Variants in TIAM2 observed in about 807,000 individuals in gnomAD.
The protein encoded by TIAM2 is TIAM Rac1 associated GEF 2, also known as rho guanine nucleotide exchange factor TIAM2.
TIAM2 carries 80 observed loss-of-function variants against 152.9 expected under a neutral mutation model. That is an observed-to-expected ratio of 0.52 (90% confidence interval 0.44 to 0.63). The LOEUF (loss-of-function observed/expected upper bound fraction) is 0.63, where lower values mean the gene tolerates loss of function less well. TIAM2 is among the 30% of genes least tolerant of loss of function. TIAM2 has a pLI of 0.00. For missense variants in TIAM2, 1,965 were observed against 2,120.1 expected (o/e 0.93, Z 1.44); for synonymous variants, 804 against 838.0 (o/e 0.96, Z 0.70).
intron 5 of TIAM2, among the ~76,000 whole-genome samples, chr6:155,139,940 A>AAAAC (rs148740038): frequency 7.9e-4 from 121 of 152,224 alleles, no homozygotes; most frequent in African/African-American, 2.0e-3. Context: ...CTCCATCTCA[A>AAAAC]AAACAAACAA....
chr6:155,047,696 A>AGAG (rs1562300146), intron 1 of TIAM2, among the ~76,000 whole-genome samples: 152 of 13,772 alleles, frequency 0.011, 13 homozygotes, highest in African/African-American at 0.05. Context: ...GAGGAGAGAG[A>AGAG]GAGAGAGAGC....
intron 2 of TIAM2, among the ~76,000 whole-genome samples, chr6:155,112,920 G>T (rs73004918): frequency 6.6e-6 from 1 of 150,586 alleles, no homozygotes; most frequent in African/African-American, 2.4e-5. Context: ...CCAAGCTGGG[G>T]CGCATTGCCT....
chr6:155,183,093 C>T (rs1432043268), intron 13 of TIAM2, 144 bp from the exon 14 acceptor site: 58 of 1,049,088 alleles, frequency 5.5e-5, no homozygotes, highest in Non-Finnish European at 3.0e-5. Context: ...GCCACTGTGC[C>T]TGGCTGGCAC....
intron 2 of TIAM2, among the ~76,000 whole-genome samples, chr6:155,094,516 C>T (rs1338864006): frequency 2.0e-5 from 3 of 147,610 alleles, no homozygotes; most frequent in African/African-American, 7.5e-5. Flanking sequence ...CTTTAGACTG[C>T]ATGACTCAGT....
intron 15 of TIAM2, among the ~76,000 whole-genome samples, chr6:155,229,140 A>T (rs886350399): frequency 6.6e-6 from 1 of 151,892 alleles, no homozygotes; most frequent in African/African-American, 2.4e-5. Flanking sequence ...TACTCTTCCC[A>T]TAGCCCTCGC....
At chr6:155,239,185 T>C (rs527722706) in intron 15 of TIAM2, among the ~76,000 whole-genome samples, 2 of 152,284 alleles carry the variant, frequency 1.3e-5, no homozygotes, top group South Asian at 4.1e-4. Context: ...AAGACAGAGA[T>C]GGATAGAGGT....
At chr6:155,166,070 T>C (rs995340411) in intron 9 of TIAM2, among the ~76,000 whole-genome samples, 1 of 152,212 alleles carries the variant, frequency 6.6e-6, no homozygotes, top group Non-Finnish European at 1.5e-5. Context: ...GTTCTGTTGA[T>C]AGAGCTGTGG....
chr6:155,138,977 T>G (rs1779623386), intron 5 of TIAM2, among the ~76,000 whole-genome samples: 1 of 152,236 alleles, frequency 6.6e-6, no homozygotes, highest in African/African-American at 2.4e-5. Context: ...TCCAAATCTG[T>G]ACAGCGTTGA....
chr6:155,107,552 A>C (rs1187014386), intron 2 of TIAM2, among the ~76,000 whole-genome samples: 1 of 152,236 alleles, frequency 6.6e-6, no homozygotes, highest in East Asian at 1.9e-4. Flanking sequence ...GTAGAAAGGG[A>C]AATTAAGATG....
chr6:155,158,709 C>G (rs1780184393), intron 7 of TIAM2, among the ~76,000 whole-genome samples: 1 of 151,976 alleles, frequency 6.6e-6, no homozygotes, highest in South Asian at 2.1e-4. Context: ...TGTGCACCAA[C>G]CACACCTGGC....
At chr6:155,241,570 G>A (rs1219648540) in intron 16 of TIAM2, among the ~76,000 whole-genome samples, 3 of 152,068 alleles carry the variant, frequency 2.0e-5, no homozygotes, top group South Asian at 2.1e-4. Context: ...ACACACGTGC[G>A]GCTATTACCT....
chr6:155,122,317 A>G (rs151185264), intron 2 of TIAM2, among the ~76,000 whole-genome samples: 9 of 152,304 alleles, frequency 5.9e-5, no homozygotes, highest in African/African-American at 2.2e-4. Flanking sequence ...GGAATGCAGA[A>G]TGGAAGGTAG....
chr6:155,245,115 CCTT>C (rs1249296961), intron 18 of TIAM2, among the ~76,000 whole-genome samples: 1 of 152,200 alleles, frequency 6.6e-6, no homozygotes, highest in Non-Finnish European at 1.5e-5. Flanking sequence ...TGTGCCCAAT[CCTT>C]CTTCCCCGTG....
intron 2 of TIAM2, among the ~76,000 whole-genome samples, chr6:155,118,563 G>C (rs1779071730): frequency 6.6e-6 from 1 of 151,336 alleles, no homozygotes; most frequent in Non-Finnish European, 1.5e-5. Context: ...CTCCCAAGTA[G>C]CTGGAATTAC....
chr6:155,244,182 C>T, intron 17 of TIAM2, 103 bp downstream of exon 17: 1 of 1,123,130 alleles, frequency 8.9e-7, no homozygotes, highest in Admixed American at 1.9e-5. Flanking sequence ...CCCAAAAGAA[C>T]ATCCCAAGAC....
rs558834034 is a variant in TIAM2, at chr6:155,048,207, A to G, written c.-208-42082A>G. On this transcript the variant is annotated intron_variant, in intron 1 of 26. Transcript: ENST00000682666. ...ACCTCAAGTGATCTGCCTGACTTGGACTCCTGAAGTGGTGGGATTACAGGT... is the reference window on the plus strand; with the variant it reads ...ACCTCAAGTGATCTGCCTGACTTGGGCTCCTGAAGTGGTGGGATTACAGGT... 4.6e-5 allele frequency among the ~76,000 whole-genome samples: 7 copies of G among 151,634 alleles called. No homozygotes were observed. In the East Asian group the frequency reaches 1.2e-3, roughly 25 times the overall value.
At chr6:155,005,765 C>T (rs1192395916) in intron 1 of TIAM2, among the ~76,000 whole-genome samples, 2 of 151,600 alleles carry the variant, frequency 1.3e-5, no homozygotes. Flanking sequence ...AAGTGATTCT[C>T]CTGCCTCAGC....
intron 1 of TIAM2, among the ~76,000 whole-genome samples, chr6:155,026,793 TAGA>T (rs1776611657): frequency 6.6e-6 from 1 of 152,216 alleles, no homozygotes; most frequent in Non-Finnish European, 1.5e-5. Context: ...GGTGAGAAGC[TAGA>T]AGAAATGCAC....
At chr6:155,026,251 T>TC (rs1319542939) in intron 1 of TIAM2, among the ~76,000 whole-genome samples, 1 of 152,184 alleles carries the variant, frequency 6.6e-6, no homozygotes, top group Non-Finnish European at 1.5e-5. Context: ...TAAACAGTAT[T>TC]CCCCTTAGGG....
Sources: gnomAD v4.1 joint callset for allele counts (sites outside exome capture counted in the v4.1 genomes callset) on GRCh38, gnomAD v4.1.1 for gene constraint, MANE v1.5 for transcripts, NCBI Gene and HGNC (gene_info 2026-07-23, HGNC 2026-07-21) for gene names.